MTHFD2L: variants seen among roughly 807,000 people sequenced by gnomAD.
The protein encoded by MTHFD2L is bifunctional methylenetetrahydrofolate dehydrogenase/cyclohydrolase 2, mitochondrial.
In MTHFD2L, 29 loss-of-function variants were observed where a neutral mutation model predicts 34.9. The ratio of observed to expected loss-of-function variants is 0.83; its 90% CI spans 0.62 to 1.13. The LOEUF is 1.13. Among genes scored for constraint, MTHFD2L ranks in the 50% most tolerant of loss-of-function variants. MTHFD2L has a pLI of 0.00. For synonymous variants in MTHFD2L, 167 were observed against 155.7 expected, an observed-to-expected ratio of 1.07 and a Z score of -0.54; for missense variants, 481 against 446.5, an observed-to-expected ratio of 1.08 and a Z score of -0.70.
chr4:74,255,115 A>G (rs922243691), intron 6 of MTHFD2L, among the ~76,000 whole-genome samples: 7 of 147,868 alleles, frequency 4.7e-5, no homozygotes, highest in East Asian at 2.0e-4. Flanking sequence ...ACCCTAGGCA[A>G]AAAGAGCGAG....
intron 6 of MTHFD2L, among the ~76,000 whole-genome samples, chr4:74,228,835 G>T (rs1241785666): frequency 6.6e-6 from 1 of 152,194 alleles, no homozygotes; most frequent in Non-Finnish European, 1.5e-5. Context: ...AGCTTTAGGT[G>T]TGGTGGGTGT....
chr4:74,273,852 C>T lies in MTHFD2L; in HGVS notation c.806-7573C>T, dbSNP rs576564962. On this transcript the variant is annotated intron_variant, in intron 6 of 7. Transcript: ENST00000325278. ...GCCTTCTCCAGGTGCAAACCTCACA[C>T]GTGCAGTTTTCACAGATAGTAAAGT... 2.6e-5 allele frequency among the ~76,000 whole-genome samples: 4 copies of T among 152,094 alleles called. No homozygotes were observed. The South Asian group carries it at 6.2e-4, about 24-fold the overall frequency.
chr4:74,194,574 A>C (rs1733146943), intron 3 of MTHFD2L: 1 of 152,232 alleles, frequency 6.6e-6, no homozygotes, highest in Non-Finnish European at 1.5e-5. Context: ...ACATTTTTAA[A>C]TAGTGTGGTC....
chr4:74,139,372 G>T (rs1723144880), intron 1 of MTHFD2L, among the ~76,000 whole-genome samples: 2 of 152,192 alleles, frequency 1.3e-5, no homozygotes, highest in South Asian at 4.1e-4. Context: ...TGGCCAAGTT[G>T]CACAGCAGAG....
At chr4:74,196,006 T>G (rs1003893180) in intron 3 of MTHFD2L, among the ~76,000 whole-genome samples, 14 of 152,112 alleles carry the variant, frequency 9.2e-5, no homozygotes, top group Non-Finnish European at 2.1e-4. Flanking sequence ...TTTAGCTTAG[T>G]GATTTTGGGG....
chr4:74,251,223 G>GT (rs780364286), intron 6 of MTHFD2L, among the ~76,000 whole-genome samples: 4 of 152,128 alleles, frequency 2.6e-5, no homozygotes. Flanking sequence ...TTCAGTCATG[G>GT]TTTTTTACAA....
At chr4:74,277,505 G>A in intron 6 of MTHFD2L, among the ~76,000 whole-genome samples, 1 of 151,924 alleles carries the variant, frequency 6.6e-6, no homozygotes, top group East Asian at 1.9e-4. Context: ...GAAAGAGCTG[G>A]GGCAGCCAAG....
chr4:74,243,760 A>G (rs960654303), intron 6 of MTHFD2L, among the ~76,000 whole-genome samples: 1 of 152,190 alleles, frequency 6.6e-6, no homozygotes, highest in South Asian at 2.1e-4. Context: ...CAGGCAAGGT[A>G]ACAGAGCCAC....
upstream of MTHFD2L, among the ~76,000 whole-genome samples, chr4:74,119,235 C>T (rs2109769766): frequency 6.6e-6 from 1 of 152,300 alleles, no homozygotes; most frequent in South Asian, 2.1e-4. Context: ...CATCTGGTGG[C>T]AGGCTTTAAG....
chr4:74,226,300 A>G (rs1560507585), intron 6 of MTHFD2L, among the ~76,000 whole-genome samples: 2 of 152,106 alleles, frequency 1.3e-5, no homozygotes, highest in African/African-American at 2.4e-5. Flanking sequence ...TTCTTTGGGG[A>G]AGGAATCACA....
intron 6 of MTHFD2L, among the ~76,000 whole-genome samples, chr4:74,238,728 C>T (rs1206960527): frequency 6.6e-6 from 1 of 152,112 alleles, no homozygotes; most frequent in Non-Finnish European, 1.5e-5. Context: ...CCAACAAACA[C>T]AAGAAAAAAT....
intron 1 of MTHFD2L, among the ~76,000 whole-genome samples, chr4:74,129,073 T>C (rs1022578141): frequency 3.9e-5 from 6 of 152,138 alleles, no homozygotes; most frequent in Non-Finnish European, 5.9e-5. Flanking sequence ...TATAGGTTTT[T>C]GCATTGTGGT....
chr4:74,132,182 C>T (rs776813332), intron 1 of MTHFD2L, among the ~76,000 whole-genome samples: 21 of 152,070 alleles, frequency 1.4e-4, no homozygotes, highest in Non-Finnish European at 5.9e-5. Flanking sequence ...GACAATGTAG[C>T]GATTCCTCAA....
At chr4:74,212,819 G>A (rs1462221770) in intron 5 of MTHFD2L, among the ~76,000 whole-genome samples, 1 of 152,086 alleles carries the variant, frequency 6.6e-6, no homozygotes. Flanking sequence ...CTATTATTGT[G>A]TGGGAGTCTA....
intron 4 of MTHFD2L, 80 bp downstream of exon 4, chr4:74,200,026 C>A: frequency 7.6e-7 from 1 of 1,313,180 alleles, no homozygotes; most frequent in Non-Finnish European, 1.1e-6. Context: ...ATGGGACTAC[C>A]TCAGTCCTAT....
At chr4:74,226,032 A>G (rs1472163877) in intron 6 of MTHFD2L, among the ~76,000 whole-genome samples, 2 of 152,154 alleles carry the variant, frequency 1.3e-5, no homozygotes, top group African/African-American at 4.8e-5. Flanking sequence ...ACCCAAGCCC[A>G]AACTTTTATA....
At chr4:74,281,644 A>G (rs1747502871) in intron 7 of MTHFD2L, 94 bp downstream of exon 7, 4 of 1,227,382 alleles carry the variant, frequency 3.3e-6, no homozygotes, top group Non-Finnish European at 4.5e-6. Flanking sequence ...TGGAGGAATT[A>G]TTAACTTATT....
At chr4:74,132,151 A>G (rs1722560608) in intron 1 of MTHFD2L, among the ~76,000 whole-genome samples, 1 of 152,208 alleles carries the variant, frequency 6.6e-6, no homozygotes, top group Admixed American at 6.5e-5. Context: ...GGGAGAATAA[A>G]TTAGTTCAGC....
rs1560421285 is a variant in MTHFD2L at position 74,158,129 on chromosome 4, A to ATCCGCGGCCATGACGGTGCCGG, written c.-1_21dup. The ATCCGCGGCCATGACGGTGCCGG allele has an allele frequency of 6.5e-7, 1 of 1,530,278 alleles. No homozygotes were observed. Among genetic ancestry groups the ATCCGCGGCCATGACGGTGCCGG allele is most frequent in the African/African-American group, 1.4e-5 (1 of 72,822 alleles). The allele number at this position is 1,530,278 out of a possible 1,614,324, so 94.8% of individuals were successfully genotyped here. A position where few individuals can be genotyped will look rare whatever the true frequency, so the allele number is the denominator to read the frequency against. The stretch of plus-strand genomic sequence containing the variant: ...TGGAGCCCCAGTCCGGAAGCCGGGG[A>ATCCGCGGCCATGACGGTGCCGG]TCCGCGGCCATGACGGTGCCGGTCC... On this transcript the variant is annotated 5_prime_UTR_variant, in exon 1 of 8. The change creates a new upstream start codon in the 5' untranslated region. Coordinates refer to ENST00000325278, the MANE Select transcript of MTHFD2L (RefSeq NM_001144978.3).
Sources: allele counts gnomAD v4.1 joint callset (sites outside exome capture counted in the v4.1 genomes callset), GRCh38; gene constraint gnomAD v4.1.1; transcripts MANE v1.5; gene names NCBI Gene and HGNC (gene_info 2026-07-23, HGNC 2026-07-21).